Variants in RNF149 observed in about 807,000 individuals in gnomAD.
RNF149 encodes E3 ubiquitin-protein ligase RNF149.
RNF149 carries 21 observed loss-of-function variants against 39.0 expected under a neutral mutation model. The observed-to-expected ratio is 0.54, with a 90% confidence interval of 0.38 to 0.77. The LOEUF (loss-of-function observed/expected upper bound fraction) is 0.77. Ranked by LOEUF, RNF149 falls within the 30% of genes least tolerant of loss-of-function variation. The pLI is 0.00. For missense variants in RNF149, 493 were observed against 534.9 expected, an observed-to-expected ratio of 0.92 and a Z score of 0.77; for synonymous variants, 209 against 213.6, an observed-to-expected ratio of 0.98 and a Z score of 0.19.
At position 101,300,537 on chromosome 2, in the gene RNF149, G is replaced by A. The variant is rs568972216; in HGVS notation, c.461-5356C>T. 1.8e-4 allele frequency among the ~76,000 whole-genome samples: 27 copies of A among 152,296 alleles called. No individual in the cohort carries two copies. In the South Asian group the frequency reaches 5.4e-3, roughly 30 times the overall value. On this transcript the variant is annotated intron_variant, in intron 1 of 6. Coordinates refer to ENST00000295317, the MANE Select transcript of RNF149 (RefSeq NM_173647.4). ...TTAAAAACTTCCTAGCATTAGCTGGGTGCAGTGGGTCATGCCTGTAATCCC... is the reference window on the plus strand; with the variant it reads ...TTAAAAACTTCCTAGCATTAGCTGGATGCAGTGGGTCATGCCTGTAATCCC...
At chr2:101,288,789 T>C (rs1328244390) in intron 4 of RNF149, 184 bp downstream of exon 4, 2 of 532,644 alleles carry the variant, frequency 3.8e-6, no homozygotes, top group Non-Finnish European at 6.7e-6. Flanking sequence ...AAGAATCTCC[T>C]AGGCAAAGCA....
At chr2:101,280,334 T>G (rs1223276807) in intron 6 of RNF149, among the ~76,000 whole-genome samples, 1 of 152,140 alleles carries the variant, frequency 6.6e-6, no homozygotes, top group Non-Finnish European at 1.5e-5. Flanking sequence ...TTAGGACAAC[T>G]GATTAAACAT....
In RNF149 at chr2:101,277,290, G is replaced by C. The variant is rs771349076; in HGVS notation, c.1160-9C>G. 31 of 1,612,084 alleles carry C rather than the reference G, an allele frequency of 1.9e-5. 1 individual carries two copies. In the South Asian group the frequency reaches 3.0e-4, roughly 15 times the overall value. Reference sequence around the variant, plus strand: ...GTCACTCCTGCCGGCTTCTGCAAGAGAGCAACATAAGCTACTCCATCAGAA... The same window carrying C: ...GTCACTCCTGCCGGCTTCTGCAAGACAGCAACATAAGCTACTCCATCAGAA... On this transcript the variant is annotated splice_polypyrimidine_tract_variant and intron_variant, in intron 6 of 6. Transcript: ENST00000295317.
chr2:101,303,905 A>G (rs946017479), intron 1 of RNF149, among the ~76,000 whole-genome samples: 1 of 152,236 alleles, frequency 6.6e-6, no homozygotes, highest in Non-Finnish European at 1.5e-5. Context: ...CACTCAGTAA[A>G]TAACTGTTAA....
chr2:101,307,903 C>T (rs892685899), intron 1 of RNF149: 7 of 985,420 alleles, frequency 7.1e-6, no homozygotes, highest in South Asian at 4.7e-5. Flanking sequence ...TTCACCTCAT[C>T]GATCAAAGGC....
chr2:101,287,474 C>T lies in RNF149; in HGVS notation c.864-1297G>A, dbSNP rs533675420. On this transcript the variant is annotated intron_variant, in intron 4 of 6. Transcript: ENST00000295317. ...CCCAGTAAGGAGACCACGAAATGTG[C>T]ACATGCACCTGTGTTTGAGGGTCAG... 2.0e-5 allele frequency among the ~76,000 whole-genome samples: 3 copies of T among 152,318 alleles called. No individual in the cohort carries two copies. The East Asian group carries it at 5.8e-4, about 29-fold the overall frequency.
chr2:101,276,550 C>T lies in RNF149; in HGVS notation c.*688G>A. The T allele has an allele frequency of 1.0e-6, 1 of 985,678 alleles. No homozygotes were observed. Among genetic ancestry groups the T allele is most frequent in the East Asian group, 1.1e-4 (1 of 8,814 alleles). 61.1% of individuals were successfully genotyped at this position (985,678 alleles called of 1,614,324 possible). ...TTAATGCTCATGTGCGATATAGAAT[C>T]TTAGCTTTTTATTTGTAGGAAAAAA... is the stretch of plus-strand genomic sequence containing the variant. On this transcript the variant is annotated 3_prime_UTR_variant, in exon 7 of 7. Coordinates refer to ENST00000295317, the MANE Select transcript of RNF149 (RefSeq NM_173647.4).
intron 4 of RNF149, 94 bp from the exon 5 acceptor site, chr2:101,286,271 A>C: frequency 1.5e-6 from 1 of 681,492 alleles, no homozygotes; most frequent in South Asian, 1.9e-5. Context: ...TCCTCTCATT[A>C]CAAGTTAGCT....
intron 1 of RNF149, among the ~76,000 whole-genome samples, chr2:101,305,877 T>C (rs966614640): frequency 6.6e-6 from 1 of 152,216 alleles, no homozygotes; most frequent in African/African-American, 2.4e-5. Context: ...TTAAAGGCTG[T>C]TGGGAAGAGT....
chr2:101,289,740 C>T (rs1052485210), intron 3 of RNF149, among the ~76,000 whole-genome samples: 3 of 151,560 alleles, frequency 2.0e-5, no homozygotes, highest in African/African-American at 7.3e-5. Flanking sequence ...CAGGGTCTTA[C>T]CGTGTTGCTC....
Position 101,277,233 on chromosome 2 carries a change from G to C in RNF149, c.*5C>G. On this transcript the variant is annotated 3_prime_UTR_variant, in exon 7 of 7. Coordinates refer to ENST00000295317, the MANE Select transcript of RNF149 (RefSeq NM_173647.4). ...CTGTTGGTGCCACTTCAGTGGGCAC[G>C]TGTGCTAGGAGATGGGTCCTCCATG... The C allele has an allele frequency of 6.2e-7, 1 of 1,613,436 alleles. No individual in the cohort carries two copies. Among genetic ancestry groups the C allele is most frequent in the Non-Finnish European group, 8.5e-7 (1 of 1,179,648 alleles).
At chr2:101,304,167 C>G (rs1391837941) in intron 1 of RNF149, among the ~76,000 whole-genome samples, 1 of 152,188 alleles carries the variant, frequency 6.6e-6, no homozygotes, top group South Asian at 2.1e-4. Flanking sequence ...GAGGCCAAGA[C>G]AGGCAGATCA....
At chr2:101,278,971 G>A (rs1001082495) in intron 6 of RNF149, among the ~76,000 whole-genome samples, 1 of 152,222 alleles carries the variant, frequency 6.6e-6, no homozygotes, top group African/African-American at 2.4e-5. Context: ...AGTTGCTCCT[G>A]AGAGTCTAGT....
At chr2:101,281,256 C>A (rs984117897) in intron 6 of RNF149, among the ~76,000 whole-genome samples, 3 of 151,970 alleles carry the variant, frequency 2.0e-5, no homozygotes, top group African/African-American at 7.2e-5. Flanking sequence ...ATCTATTTAT[C>A]AACATAGAAA....
At position 101,276,430 on chromosome 2, in the gene RNF149, C is replaced by T. The variant is rs1482219713; in HGVS notation, c.*808G>A. On this transcript the variant is annotated 3_prime_UTR_variant, in exon 7 of 7. Transcript: ENST00000295317. ...ACAAAAACTAAAATTCTACATCTTTCGCCCTTTTAATTGTAAAGATTAAAT... is the reference window on the plus strand; with the variant it reads ...ACAAAAACTAAAATTCTACATCTTTTGCCCTTTTAATTGTAAAGATTAAAT... 1.5e-5 allele frequency: 15 copies of T among 985,646 alleles called. No individual in the cohort carries two copies. Among genetic ancestry groups the T allele is most frequent in the African/African-American group, 1.4e-4 (8 of 57,236 alleles). The allele number at this position is 985,646 out of a possible 1,614,324, so 61.1% of individuals were successfully genotyped here. A position where few individuals can be genotyped will look rare whatever the true frequency, so the allele number is the denominator to read the frequency against.
intron 1 of RNF149, among the ~76,000 whole-genome samples, chr2:101,301,740 T>C (rs780091742): frequency 3.3e-5 from 5 of 152,208 alleles, no homozygotes; most frequent in African/African-American, 7.2e-5. Flanking sequence ...TCTTATCACC[T>C]TGTCAAAATA....
intron 6 of RNF149, among the ~76,000 whole-genome samples, chr2:101,278,703 C>T (rs1682446722): frequency 6.6e-6 from 1 of 152,186 alleles, no homozygotes; most frequent in Non-Finnish European, 1.5e-5. Context: ...CTTTGGGCAT[C>T]TTTCAAGAAT....
At chr2:101,300,620 C>T (rs10186000) in intron 1 of RNF149, among the ~76,000 whole-genome samples, 57,914 of 152,042 alleles carry the variant, frequency 0.38, 11,782 homozygotes, top group East Asian at 0.53. Context: ...TTGACACCAG[C>T]CTGGGCAATA....
At chr2:101,281,692 G>T in intron 6 of RNF149, 167 bp downstream of exon 6, 1 of 697,722 alleles carries the variant, frequency 1.4e-6, no homozygotes, top group Non-Finnish European at 2.4e-6. Context: ...GTAGAGATGG[G>T]GTCTCACTAT....
Sources: allele counts gnomAD v4.1 joint callset (sites outside exome capture counted in the v4.1 genomes callset), GRCh38; gene constraint gnomAD v4.1.1; transcripts MANE v1.5; gene names NCBI Gene and HGNC (gene_info 2026-07-23, HGNC 2026-07-21).